The following ZNF573 variants were observed in gnomAD, a reference collection of about 807,000 sequenced individuals.
ZNF573 encodes zinc finger protein 573.
In ZNF573, 41 loss-of-function variants were observed where a neutral mutation model predicts 57.4. The ratio of observed to expected loss-of-function variants is 0.71; its 90% CI spans 0.56 to 0.93. The LOEUF (loss-of-function observed/expected upper bound fraction) is 0.93. Ranked by LOEUF, ZNF573 falls within the 40% of genes least tolerant of loss-of-function variation. The pLI is 0.00. For synonymous variants in ZNF573, 249 were observed against 261.0 expected (o/e 0.95, Z 0.44); for missense variants, 730 against 794.8 (o/e 0.92, Z 0.98).
At chr19:37,769,980 T>A in intron 4 of ZNF573, 25 bp downstream of exon 4, 1 of 1,541,194 alleles carries the variant, frequency 6.5e-7, no homozygotes, top group Non-Finnish European at 8.8e-7. Context: ...TGGCCGGCCC[T>A]GATGGTGTCC....
In ZNF573 at chr19:37,752,793, C is replaced by A. The variant is rs112898524; in HGVS notation, c.296-12599G>T. Among the ~76,000 whole-genome samples, 906 of 152,160 alleles carry A rather than the reference C, an allele frequency of 6.0e-3. 10 individuals carry two copies. Among genetic ancestry groups the A allele is most frequent in the African/African-American group, 0.021 (856 of 41,518 alleles). ...GGGACAACAGGCACATGCCACCGTG[C>A]CTGGCTAATTTTTGTACTTTTTGTA... is the stretch of plus-strand genomic sequence containing the variant. On this transcript the variant is annotated intron_variant, in intron 4 of 4. Coordinates refer to ENST00000536220, the MANE Select transcript of ZNF573 (RefSeq NM_001172690.2).
At chr19:37,757,233 G>A (rs1213649009) in intron 4 of ZNF573, among the ~76,000 whole-genome samples, 1 of 152,008 alleles carries the variant, frequency 6.6e-6, no homozygotes, top group African/African-American at 2.4e-5. Flanking sequence ...GTCTCACTCT[G>A]TCGCCCAGGC....
rs11333523 is a variant in ZNF573 at position 37,764,063 on chromosome 19, C to CAAA, written c.295+5939_295+5941dup. Among the ~76,000 whole-genome samples the CAAA allele has an allele frequency of 1.9e-4, 20 of 105,714 alleles. No individual in the cohort carries two copies. In the East Asian group the frequency reaches 2.5e-3, roughly 13 times the overall value. The allele number at this position is 105,714 out of a possible 152,430, so 69.4% of individuals were successfully genotyped here. On this transcript the variant is annotated intron_variant, in intron 4 of 4. Transcript: ENST00000536220. ...GGGCGACAAGAGCGAAACTCTGCCT[C>CAAA]AAAAAAAAAAAAAAAAAAATAGAAT...
chr19:37,779,556 C>G lies in ZNF573; in HGVS notation c.-35G>C, dbSNP rs2045744263. 6.6e-6 allele frequency: 1 copy of G among 152,256 alleles called. No homozygotes were observed. The highest frequency in any genetic ancestry group is 1.5e-5 in the Non-Finnish European group (1 of 68,112). 9.4% of individuals were successfully genotyped at this position (152,256 alleles called of 1,614,324 possible). ...GAGTTCAACCCACCTTGCAAAAGAA[C>G]CACGCGAAAACGGAAGGGAAGCCAT... is the stretch of plus-strand genomic sequence containing the variant. On this transcript the variant is annotated 5_prime_UTR_variant, in exon 1 of 5. Coordinates refer to ENST00000536220, the MANE Select transcript of ZNF573 (RefSeq NM_001172690.2).
chr19:37,756,208 C>A (rs2045486369), intron 4 of ZNF573, among the ~76,000 whole-genome samples: 1 of 152,192 alleles, frequency 6.6e-6, no homozygotes, highest in African/African-American at 2.4e-5. Flanking sequence ...AATAAGAGAT[C>A]TTTAGATCAC....
At chr19:37,744,838 G>C (rs1448617182) in intron 4 of ZNF573, among the ~76,000 whole-genome samples, 2 of 151,538 alleles carry the variant, frequency 1.3e-5, no homozygotes, top group African/African-American at 4.9e-5. Flanking sequence ...TTGGAGTGCA[G>C]TGGTGCGATC....
intron 4 of ZNF573, among the ~76,000 whole-genome samples, chr19:37,749,040 T>C (rs1218070058): frequency 6.6e-6 from 1 of 151,638 alleles, no homozygotes; most frequent in Non-Finnish European, 1.5e-5. Context: ...CAAATGTAAG[T>C]ATAGACTCTA....
intron 4 of ZNF573, among the ~76,000 whole-genome samples, chr19:37,753,666 C>A (rs2045460360): frequency 6.6e-6 from 1 of 151,960 alleles, no homozygotes; most frequent in Non-Finnish European, 1.5e-5. Flanking sequence ...ACTATGTATA[C>A]CAAGGAAAAC....
In ZNF573 at chr19:37,751,705, A is replaced by G. The variant is rs576418155; in HGVS notation, c.296-11511T>C. Among the ~76,000 whole-genome samples the G allele has an allele frequency of 7.5e-3, 1,042 of 139,524 alleles. 28 individuals are homozygous for G. Among genetic ancestry groups the G allele is most frequent in the Middle Eastern group, 0.011 (1 of 90 alleles). The allele number at this position is 139,524 out of a possible 152,430, so 91.5% of individuals were successfully genotyped here. On this transcript the variant is annotated intron_variant, in intron 4 of 4. Coordinates refer to ENST00000536220, the MANE Select transcript of ZNF573 (RefSeq NM_001172690.2). Reference sequence around the variant, plus strand: ...GTACATAGTACCGTATATATACTGTATATAGTACATAGTACCGTATATATA... The same window carrying G: ...GTACATAGTACCGTATATATACTGTGTATAGTACATAGTACCGTATATATA...
chr19:37,774,560 C>T (rs1568425312), intron 1 of ZNF573, among the ~76,000 whole-genome samples: 1 of 152,112 alleles, frequency 6.6e-6, no homozygotes, highest in Non-Finnish European at 1.5e-5. Flanking sequence ...AACTGCCTTG[C>T]TAAATACAAA....
intron 4 of ZNF573, among the ~76,000 whole-genome samples, chr19:37,742,245 A>G (rs373493933): frequency 6.6e-6 from 1 of 152,228 alleles, no homozygotes; most frequent in Admixed American, 6.5e-5. Context: ...AAATGGCCAT[A>G]CTACCCAAAG....
intron 4 of ZNF573, among the ~76,000 whole-genome samples, chr19:37,750,724 C>T (rs777011099): frequency 5.3e-5 from 8 of 151,396 alleles, no homozygotes; most frequent in Non-Finnish European, 8.8e-5. Context: ...CGGAGGCTCA[C>T]ACCTGTAATC....
chr19:37,776,939 C>A (rs1001599477), intron 1 of ZNF573, among the ~76,000 whole-genome samples: 1 of 152,102 alleles, frequency 6.6e-6, no homozygotes, highest in Non-Finnish European at 1.5e-5. Context: ...AATGTGATAC[C>A]AATTTGCTCC....
intron 4 of ZNF573, among the ~76,000 whole-genome samples, chr19:37,752,067 CTA>C (rs758431748): frequency 1.8e-4 from 27 of 151,156 alleles, no homozygotes; most frequent in African/African-American, 5.3e-4. Flanking sequence ...GACAGAAAGA[CTA>C]TGTGTGTATA....
At chr19:37,748,213 G>A (rs1286002464) in intron 4 of ZNF573, among the ~76,000 whole-genome samples, 1 of 152,144 alleles carries the variant, frequency 6.6e-6, no homozygotes, top group Non-Finnish European at 1.5e-5. Context: ...TGAGCTATAT[G>A]GAAAAACTGG....
chr19:37,768,759 G>A (rs571261771), intron 4 of ZNF573, among the ~76,000 whole-genome samples: 8 of 151,892 alleles, frequency 5.3e-5, no homozygotes, highest in African/African-American at 9.7e-5. Context: ...TCCGCCTCCC[G>A]GGTTCATGCC....
chr19:37,778,815 C>A (rs1046585711), intron 1 of ZNF573, among the ~76,000 whole-genome samples: 3 of 152,092 alleles, frequency 2.0e-5, no homozygotes, highest in Non-Finnish European at 4.4e-5. Context: ...CTTCCCTGTT[C>A]ACACACTTTA....
chr19:37,752,050 G>C (rs2045442969), intron 4 of ZNF573, among the ~76,000 whole-genome samples: 1 of 151,250 alleles, frequency 6.6e-6, no homozygotes. Flanking sequence ...ATATAGTACA[G>C]TATATAGACA....
At chr19:37,752,229 C>G (rs191855945) in intron 4 of ZNF573, among the ~76,000 whole-genome samples, 5 of 152,250 alleles carry the variant, frequency 3.3e-5, no homozygotes, top group Non-Finnish European at 5.9e-5. Context: ...CATCTATCTA[C>G]CCTTTGTATC....
Sources: gnomAD v4.1 joint callset for allele counts (sites outside exome capture counted in the v4.1 genomes callset) on GRCh38, gnomAD v4.1.1 for gene constraint, MANE v1.5 for transcripts, NCBI Gene and HGNC (gene_info 2026-07-23, HGNC 2026-07-21) for gene names.